Variants in RAPGEF4 observed in about 807,000 individuals in gnomAD.
The protein encoded by RAPGEF4 is Rap guanine nucleotide exchange factor 4, also known as RAP guanine-nucleotide-exchange factor (GEF) 4.
RAPGEF4 carries 66 observed loss-of-function variants against 147.9 expected under a neutral mutation model. That is an observed-to-expected ratio of 0.45 (90% CI 0.37 to 0.55). RAPGEF4 has a LOEUF of 0.55. RAPGEF4 is among the 20% of genes least tolerant of loss of function. The probability of loss-of-function intolerance (pLI) is 0.00; values close to 1 mark genes in which losing one functional copy is unlikely to be tolerated. For synonymous variants in RAPGEF4, 419 were observed against 442.7 expected (o/e 0.95, Z 0.67); for missense variants, 1,071 against 1,257.3 (o/e 0.85, Z 2.24).
At chr2:172,811,035 T>C (rs1687973791) in intron 3 of RAPGEF4, among the ~76,000 whole-genome samples, 1 of 152,238 alleles carries the variant, frequency 6.6e-6, no homozygotes, top group Non-Finnish European at 1.5e-5. Flanking sequence ...GCATTTCCAC[T>C]GTAGGCAACT....
chr2:172,832,275 A>G (rs1690444813), intron 4 of RAPGEF4, among the ~76,000 whole-genome samples: 1 of 152,148 alleles, frequency 6.6e-6, no homozygotes, highest in Non-Finnish European at 1.5e-5. Context: ...TCATAAAGTA[A>G]AGGAGTGAGT....
chr2:172,979,168 C>T (rs535346664), intron 10 of RAPGEF4, among the ~76,000 whole-genome samples: 1 of 152,290 alleles, frequency 6.6e-6, no homozygotes, highest in Non-Finnish European at 1.5e-5. Context: ...AACTATTTGC[C>T]ATGAAATAAA....
chr2:173,000,400 T>C (rs535446488), intron 16 of RAPGEF4, among the ~76,000 whole-genome samples: 1 of 152,206 alleles, frequency 6.6e-6, no homozygotes, highest in Non-Finnish European at 1.5e-5. Context: ...TCTCAGACAG[T>C]GTATTTCATG....
intron 3 of RAPGEF4, among the ~76,000 whole-genome samples, chr2:172,803,369 C>G (rs1381530795): frequency 6.6e-6 from 1 of 152,236 alleles, no homozygotes; most frequent in Non-Finnish European, 1.5e-5. Context: ...CACATGGAAG[C>G]TGCCAAGGCT....
chr2:172,898,022 C>T (rs1319858249), intron 4 of RAPGEF4, among the ~76,000 whole-genome samples: 1 of 152,114 alleles, frequency 6.6e-6, no homozygotes, highest in Non-Finnish European at 1.5e-5. Context: ...GGGTGGGTTG[C>T]AGGCTGCAGG....
chr2:172,994,611 C>G (rs1254668254), intron 15 of RAPGEF4, among the ~76,000 whole-genome samples: 1 of 152,206 alleles, frequency 6.6e-6, no homozygotes, highest in East Asian at 1.9e-4. Flanking sequence ...CTCTCTAACC[C>G]CGTTTCCTGA....
chr2:172,927,290 G>T (rs1685469210), intron 6 of RAPGEF4, among the ~76,000 whole-genome samples: 1 of 152,084 alleles, frequency 6.6e-6, no homozygotes, highest in Non-Finnish European at 1.5e-5. Flanking sequence ...GGAATTTGGG[G>T]AATTTTTAGG....
At chr2:172,762,543 T>C (rs1309867279) in intron 1 of RAPGEF4, among the ~76,000 whole-genome samples, 1 of 152,244 alleles carries the variant, frequency 6.6e-6, no homozygotes, top group African/African-American at 2.4e-5. Flanking sequence ...CCCCAAAGGC[T>C]GAGCTTGTCT....
chr2:172,935,538 G>A (rs574796594), intron 6 of RAPGEF4, among the ~76,000 whole-genome samples: 29 of 152,178 alleles, frequency 1.9e-4, no homozygotes, highest in Non-Finnish European at 3.4e-4. Flanking sequence ...TGCCCCCTTC[G>A]ATTGATGTAC....
chr2:172,791,662 G>A (rs1685839719), intron 1 of RAPGEF4, among the ~76,000 whole-genome samples: 1 of 152,050 alleles, frequency 6.6e-6, no homozygotes, highest in Admixed American at 6.5e-5. Flanking sequence ...GCCTAATTTG[G>A]GGGCACACAA....
At position 172,736,056 on chromosome 2, in the gene RAPGEF4, GCCGGGGGCCGCA is replaced by G. The variant is rs753221907; in HGVS notation, c.65+9_65+20del. The G allele has an allele frequency of 1.6e-5, 21 of 1,316,456 alleles. No homozygotes were observed. Among genetic ancestry groups the G allele is most frequent in the Middle Eastern group, 5.0e-4 (2 of 3,986 alleles). 81.5% of individuals were successfully genotyped at this position (1,316,456 alleles called of 1,614,324 possible). ...CGCCTGCCTGGATAAAAGGTAGCTC[GCCGGGGGCCGCA>G]GCCGGGGGCCGAGCTCTGCGGTGCT... On this transcript the variant is annotated intron_variant, in intron 1 of 30. Transcript: ENST00000397081.
At chr2:172,841,812 A>G (rs2149705695) in intron 4 of RAPGEF4, among the ~76,000 whole-genome samples, 1 of 129,130 alleles carries the variant, frequency 7.7e-6, no homozygotes, top group African/African-American at 3.0e-5. Flanking sequence ...ACACACACAC[A>G]CACACTACAC....
intron 6 of RAPGEF4, chr2:172,928,055 G>C (rs1194466636): frequency 5.9e-6 from 2 of 341,870 alleles, no homozygotes; most frequent in South Asian, 5.0e-5. Flanking sequence ...AATCCTGTGA[G>C]CTGTGTAGTG....
At chr2:172,941,927 A>AT (rs1284043643) in intron 6 of RAPGEF4, among the ~76,000 whole-genome samples, 3 of 152,036 alleles carry the variant, frequency 2.0e-5, no homozygotes, top group Non-Finnish European at 4.4e-5. Context: ...CTCAACAAGT[A>AT]TTTTTTTATT....
At chr2:172,768,156 T>C (rs1697025164) in intron 1 of RAPGEF4, among the ~76,000 whole-genome samples, 1 of 152,120 alleles carries the variant, frequency 6.6e-6, no homozygotes, top group Admixed American at 6.5e-5. Flanking sequence ...TGGGACAAAA[T>C]GTATACACTG....
At chr2:172,909,160 C>T (rs1699881323) in intron 4 of RAPGEF4, among the ~76,000 whole-genome samples, 1 of 152,116 alleles carries the variant, frequency 6.6e-6, no homozygotes, top group Admixed American at 6.5e-5. Flanking sequence ...CACAAGCCAC[C>T]CACCTCTCGG....
At chr2:172,911,710 C>T (rs1473508730) in intron 4 of RAPGEF4, among the ~76,000 whole-genome samples, 1 of 149,636 alleles carries the variant, frequency 6.7e-6, no homozygotes, top group Non-Finnish European at 1.5e-5. Flanking sequence ...CTGCCTGCCT[C>T]GGCCTCCCAA....
At chr2:172,817,765 A>G (rs893208552) in intron 4 of RAPGEF4, among the ~76,000 whole-genome samples, 3 of 151,952 alleles carry the variant, frequency 2.0e-5, no homozygotes, top group Non-Finnish European at 4.4e-5. Context: ...ATAAGTCATT[A>G]TACAAAAAAG....
chr2:172,985,529 C>A (rs1692158331), intron 12 of RAPGEF4, 36 bp downstream of exon 12: 1 of 1,600,556 alleles, frequency 6.2e-7, no homozygotes, highest in Non-Finnish European at 8.5e-7. Context: ...TTGCGCCTGG[C>A]CAGCACCCTT....
Sources: allele counts gnomAD v4.1 joint callset (sites outside exome capture counted in the v4.1 genomes callset), GRCh38; gene constraint gnomAD v4.1.1; transcripts MANE v1.5; gene names NCBI Gene and HGNC (gene_info 2026-07-23, HGNC 2026-07-21).